XIRP2: variants seen among roughly 807,000 people sequenced by gnomAD.
XIRP2 encodes the protein xin actin-binding repeat-containing protein 2.
In XIRP2, 236 loss-of-function variants were observed where a neutral mutation model predicts 277.0. The observed-to-expected ratio is 0.85, with a 90% CI of 0.77 to 0.95. XIRP2 has a LOEUF of 0.95. XIRP2 is among the 40% of genes least tolerant of loss of function. XIRP2 has a pLI of 0.00. For synonymous variants in XIRP2, 1,490 were observed against 1,416.5 expected (o/e 1.05, Z -1.17); for missense variants, 4,640 against 4,157.5 (o/e 1.12, Z -3.19).
chr2:166,921,154 A>G (rs1006567880), intron 2 of XIRP2, among the ~76,000 whole-genome samples: 1 of 152,076 alleles, frequency 6.6e-6, no homozygotes, highest in Non-Finnish European at 1.5e-5. Context: ...CTGAAAGAAA[A>G]AAAATTAAAT....
intron 2 of XIRP2, among the ~76,000 whole-genome samples, chr2:166,951,919 G>T (rs1686044646): frequency 6.6e-6 from 1 of 152,048 alleles, no homozygotes; most frequent in African/African-American, 2.4e-5. Context: ...TCCTATGAGA[G>T]GCAGGATGTA....
chr2:167,118,423 A>C (rs1167366145), intron 2 of XIRP2, among the ~76,000 whole-genome samples: 1 of 151,824 alleles, frequency 6.6e-6, no homozygotes, highest in Non-Finnish European at 1.5e-5. Flanking sequence ...TGGAGGTTGC[A>C]GTGAGCCAAG....
chr2:167,248,451 G>A lies in XIRP2; in HGVS notation c.7059G>A (p.Glu2353=), dbSNP rs1356208028. ...CTCTTCCTCCACCTCCAGTAGATGA[G>A]AAATCTGAAAGAGAAAGTTCATCGA... The part of the protein sequence containing the change: ...GLPLPPPPVD[E]KSERESSSMF... Residue 2353 remains glutamate, a synonymous_variant, in exon 9 of 11, where the codon GAG becomes GAA. Coordinates refer to ENST00000409195, the MANE Select transcript of XIRP2 (RefSeq NM_152381.6). The A allele has an allele frequency of 6.2e-7, 1 of 1,613,448 alleles. No homozygotes were observed. Among genetic ancestry groups the A allele is most frequent in the East Asian group, 2.2e-5 (1 of 44,856 alleles).
In XIRP2 at chr2:167,241,921, T is replaced by C. The variant is rs766047328; in HGVS notation, c.1176+11T>C. The C allele has an allele frequency of 6.2e-7, 1 of 1,607,124 alleles. No homozygotes were observed. Among genetic ancestry groups the C allele is most frequent in the Non-Finnish European group, 8.5e-7 (1 of 1,177,630 alleles). Reference sequence around the variant, plus strand: ...GCCAAGCAGATTAAGGTAAAGTCATTTCTTTACACAGAAACATACTAAGTG... The same window carrying C: ...GCCAAGCAGATTAAGGTAAAGTCATCTCTTTACACAGAAACATACTAAGTG... On this transcript the variant is annotated intron_variant, in intron 8 of 10. Transcript: ENST00000409195.
intron 2 of XIRP2, among the ~76,000 whole-genome samples, chr2:166,965,189 G>A (rs1686399299): frequency 6.6e-6 from 1 of 151,844 alleles, no homozygotes; most frequent in South Asian, 2.1e-4. Flanking sequence ...AGAACATGAA[G>A]AGTCAGTAAT....
chr2:167,118,481 C>T (rs373368123), intron 2 of XIRP2, among the ~76,000 whole-genome samples: 2 of 40,558 alleles, frequency 4.9e-5, no homozygotes, highest in South Asian at 6.9e-4. Context: ...GACTCTGTCT[C>T]GATAAAATAA....
intron 2 of XIRP2, among the ~76,000 whole-genome samples, chr2:167,017,623 A>G (rs1172285728): frequency 6.6e-6 from 1 of 152,010 alleles, no homozygotes; most frequent in Admixed American, 6.6e-5. Flanking sequence ...GGACTCCATC[A>G]TTGTGAGTCA....
At chr2:167,189,033 G>T (rs937347563) in intron 3 of XIRP2, among the ~76,000 whole-genome samples, 24 of 152,146 alleles carry the variant, frequency 1.6e-4, no homozygotes, top group Non-Finnish European at 2.6e-4. Context: ...AGCCCACAAG[G>T]TTCATTGATA....
At chr2:167,013,478 A>C (rs1687737666) in intron 2 of XIRP2, among the ~76,000 whole-genome samples, 1 of 151,504 alleles carries the variant, frequency 6.6e-6, no homozygotes, top group Admixed American at 6.6e-5. Flanking sequence ...CTGCATTTTT[A>C]ATAAGATCCC....
chr2:167,083,373 A>C (rs1355604154), intron 2 of XIRP2, among the ~76,000 whole-genome samples: 2 of 152,236 alleles, frequency 1.3e-5, no homozygotes, highest in Admixed American at 6.5e-5. Context: ...GAAGTCAGGT[A>C]GTGTGATGCC....
At position 167,250,680 on chromosome 2, in the gene XIRP2, G is replaced by A. The variant is rs755050363; in HGVS notation, c.9288G>A (p.Val3096=). 1.2e-5 allele frequency: 19 copies of A among 1,613,538 alleles called. No homozygotes were observed. Among genetic ancestry groups the A allele is most frequent in the Non-Finnish European group, 3.4e-6 (4 of 1,179,734 alleles). The change falls in exon 9 of 11, where the codon GTG becomes GTA. Residue 3096 remains valine, a synonymous_variant. Transcript: ENST00000409195. ...ATGAAGCAACTGTTCGTAGTCACGT[G>A]AAAACCCATCAGGAAATTAAACTTG... ...AHHEATVRSH[V]KTHQEIKLDD...
intron 3 of XIRP2, among the ~76,000 whole-genome samples, chr2:167,172,519 C>A (rs114295336): frequency 6.6e-6 from 1 of 152,068 alleles, no homozygotes; most frequent in Non-Finnish European, 1.5e-5. Context: ...ATCCCTTATC[C>A]ACAACTATAA....
chr2:167,242,581 T>C lies in XIRP2; in HGVS notation c.1189T>C (p.Tyr397His), dbSNP rs925352200. Residue 397 changes from tyrosine to histidine, a missense_variant, in exon 9 of 11, where the codon TAT becomes CAT. Transcript: ENST00000409195. ...PAKQIKTESEYEETFKPSSVV... is the reference protein window; with the variant it reads ...PAKQIKTESEHEETFKPSSVV... ...CTCTCCCCTAAAGACTGAAAGTGAA[T>C]ATGAAGAGACTTTCAAGCCATCATC... is the stretch of plus-strand genomic sequence containing the variant. 1 of 1,611,502 alleles carries C rather than the reference T, an allele frequency of 6.2e-7. No homozygotes were observed. Among genetic ancestry groups the C allele is most frequent in the Non-Finnish European group, 8.5e-7 (1 of 1,178,570 alleles).
chr2:167,135,688 A>T (rs1294631361), intron 2 of XIRP2, among the ~76,000 whole-genome samples: 1 of 152,174 alleles, frequency 6.6e-6, no homozygotes, highest in Non-Finnish European at 1.5e-5. Flanking sequence ...AAGGAAGGCT[A>T]ATTCAGAAGT....
In XIRP2 at chr2:167,246,086, T is replaced by C; in HGVS notation, c.4694T>C (p.Ile1565Thr). ...TLEDLYSQKV[I>T]QAPGIIIEAD... is the part of the protein sequence containing the mutation. The stretch of plus-strand genomic sequence containing the variant: ...GAAGATCTCTACTCTCAAAAAGTTA[T>C]CCAGGCTCCTGGAATCATCATTGAA... Residue 1565 changes from isoleucine (I) to threonine (T), a missense_variant, in exon 9 of 11, where the codon ATC (isoleucine) becomes ACC (threonine). Coordinates refer to ENST00000409195, the MANE Select transcript of XIRP2 (RefSeq NM_152381.6). The C allele has an allele frequency of 6.2e-7, 1 of 1,613,664 alleles. No individual in the cohort carries two copies. The highest frequency in any genetic ancestry group is 8.5e-7 in the Non-Finnish European group (1 of 1,179,786).
At chr2:167,197,459 T>C (rs565683509) in intron 3 of XIRP2, among the ~76,000 whole-genome samples, 2 of 152,160 alleles carry the variant, frequency 1.3e-5, no homozygotes, top group East Asian at 1.9e-4. Context: ...ACTTGTGAAG[T>C]TGACTATTTT....
intron 3 of XIRP2, among the ~76,000 whole-genome samples, chr2:167,186,210 C>T (rs1354666721): frequency 6.6e-6 from 1 of 152,136 alleles, no homozygotes. Flanking sequence ...TATACTGGCT[C>T]CTGGCCCTGA....
In XIRP2 at chr2:167,028,085, T is replaced by G. The variant is rs965790863; in HGVS notation, c.409-107824T>G. Among the ~76,000 whole-genome samples the G allele has an allele frequency of 1.1e-4, 16 of 152,104 alleles. 1 individual carries two copies. Among genetic ancestry groups the G allele is most frequent in the African/African-American group, 3.9e-4 (16 of 41,450 alleles). On this transcript the variant is annotated intron_variant, in intron 2 of 10. Coordinates refer to ENST00000409195, the MANE Select transcript of XIRP2 (RefSeq NM_152381.6). ...CTACTTCTGTAAGCATATTTAACAT[T>G]ATGATCAAAAACTATTCCAAGTAAT... is the stretch of plus-strand genomic sequence containing the variant.
At chr2:167,048,076 A>T (rs142886502) in intron 2 of XIRP2, among the ~76,000 whole-genome samples, 125 of 152,120 alleles carry the variant, frequency 8.2e-4, no homozygotes, top group African/African-American at 2.7e-3. Flanking sequence ...ATTGGGAATT[A>T]GGTTTTAACA....
Sources: allele counts gnomAD v4.1 joint callset (sites outside exome capture counted in the v4.1 genomes callset), GRCh38; gene constraint gnomAD v4.1.1; transcripts MANE v1.5; gene names NCBI Gene and HGNC (gene_info 2026-07-23, HGNC 2026-07-21).